The following TMEM236 variants were observed in gnomAD, a reference collection of about 807,000 sequenced individuals.
The protein encoded by TMEM236 is transmembrane protein 236, also known as family with sequence similarity 23, member A.
In TMEM236, 11 loss-of-function variants were observed where a neutral mutation model predicts 14.7. The ratio of observed to expected loss-of-function variants is 0.75; its 90% confidence interval spans 0.47 to 1.24. The LOEUF (loss-of-function observed/expected upper bound fraction) is 1.24, where lower values mean the gene tolerates loss of function less well. Among genes scored for constraint, TMEM236 ranks in the 50% most tolerant of loss-of-function variants. The probability of loss-of-function intolerance (pLI) is 0.00; values close to 1 mark genes in which losing one functional copy is unlikely to be tolerated. For missense variants in TMEM236, 464 were observed against 427.3 expected, an observed-to-expected ratio of 1.09 and a Z score of -0.76; for synonymous variants, 182 against 168.6, an observed-to-expected ratio of 1.08 and a Z score of -0.62.
chr10:17,799,308 A>T lies in TMEM236; in HGVS notation c.*2804A>T, dbSNP rs1180235831. 2.1e-4 allele frequency: 32 copies of T among 153,490 alleles called. No individual in the cohort carries two copies. The highest frequency in any genetic ancestry group is 6.5e-4 in the African/African-American group (27 of 41,556). 9.5% of individuals were successfully genotyped at this position (153,490 alleles called of 1,614,324 possible). On this transcript the variant is annotated 3_prime_UTR_variant, in exon 4 of 4. Coordinates refer to ENST00000377495, the MANE Select transcript of TMEM236 (RefSeq NM_001098844.3). ...CTTACAAGACTTATAACTTAAAAAAATTATAATACAAGGCTCAGCGCAGTG... is the reference window on the plus strand; with the variant it reads ...CTTACAAGACTTATAACTTAAAAAATTTATAATACAAGGCTCAGCGCAGTG...
At position 17,797,976 on chromosome 10, in the gene TMEM236, A is replaced by G. The variant is rs1838043931; in HGVS notation, c.*1472A>G. 1 of 152,292 alleles carries G rather than the reference A, an allele frequency of 6.6e-6. No homozygotes were observed. Among genetic ancestry groups the G allele is most frequent in the African/African-American group, 2.4e-5 (1 of 41,468 alleles). The allele number at this position is 152,292 out of a possible 1,614,324, so 9.4% of individuals were successfully genotyped here. ...TAAAAGTTCGGCTTACAAATATAAT[A>G]GCCAATGTATCAGTGTCTTATGTGA... On this transcript the variant is annotated 3_prime_UTR_variant, in exon 4 of 4. Transcript: ENST00000377495.
At chr10:17,762,616 T>TACATATAC (rs1483138456) in intron 1 of TMEM236, among the ~76,000 whole-genome samples, 1 of 54,220 alleles carries the variant, frequency 1.8e-5, no homozygotes, top group Non-Finnish European at 3.5e-5. Flanking sequence ...TATATATATA[T>TACATATAC]ATACACACAT....
intron 3 of TMEM236, among the ~76,000 whole-genome samples, chr10:17,779,476 T>G (rs1837713316): frequency 6.6e-6 from 1 of 152,138 alleles, no homozygotes; most frequent in Non-Finnish European, 1.5e-5. Flanking sequence ...CCCATTTAAT[T>G]AATTAGTTAA....
At chr10:17,775,959 G>C in intron 2 of TMEM236, 70 bp from the exon 3 acceptor site, 1 of 1,555,332 alleles carries the variant, frequency 6.4e-7, no homozygotes, top group Non-Finnish European at 8.9e-7. Flanking sequence ...GCTGCATTCA[G>C]ACTATTGAAA....
Position 17,796,251 on chromosome 10 carries a change from C to G in TMEM236, c.803C>G (p.Pro268Arg). Residue 268 changes from proline (P) to arginine (R), a missense_variant, in exon 4 of 4, where the codon CCA (proline) becomes CGA (arginine). Physicochemically the swap from Pro to Arg is moderately radical, Grantham distance 103. Transcript: ENST00000377495. ...PNVYKSSWLY[P>R]VYIFSFISLL... ...GTGTACAAGTCAAGCTGGCTATACC[C>G]AGTCTACATATTCAGTTTTATTTCT... 2 of 1,613,950 alleles carry G rather than the reference C, an allele frequency of 1.2e-6. No individual in the cohort carries two copies. The highest frequency in any genetic ancestry group is 1.7e-4 in the Middle Eastern group (1 of 6,056).
intron 3 of TMEM236, among the ~76,000 whole-genome samples, chr10:17,793,710 T>C (rs1837964759): frequency 6.6e-6 from 1 of 152,170 alleles, no homozygotes; most frequent in Non-Finnish European, 1.5e-5. Context: ...CTCGAACTTC[T>C]GAACTCAGGT....
intron 3 of TMEM236, among the ~76,000 whole-genome samples, chr10:17,789,885 G>A (rs1439822539): frequency 2.0e-5 from 3 of 152,030 alleles, no homozygotes; most frequent in Non-Finnish European, 2.9e-5. Flanking sequence ...TTAGCCGGGC[G>A]TGGGGGCGGG....
intron 3 of TMEM236, among the ~76,000 whole-genome samples, chr10:17,782,404 T>A (rs1837766774): frequency 6.6e-6 from 1 of 152,176 alleles, no homozygotes; most frequent in African/African-American, 2.4e-5. Flanking sequence ...ACTCTTCTTT[T>A]TTTCTTAATG....
At chr10:17,782,827 T>A (rs1837774967) in intron 3 of TMEM236, among the ~76,000 whole-genome samples, 1 of 152,158 alleles carries the variant, frequency 6.6e-6, no homozygotes, top group South Asian at 2.1e-4. Context: ...GCCATGATAA[T>A]ATATCTAGCA....
At chr10:17,777,256 C>T (rs1208150375) in intron 3 of TMEM236, among the ~76,000 whole-genome samples, 3 of 152,194 alleles carry the variant, frequency 2.0e-5, no homozygotes, top group East Asian at 3.9e-4. Context: ...TGGGAGATGA[C>T]GGTCTGTTAT....
At position 17,796,301 on chromosome 10, in the gene TMEM236, CA is replaced by C; in HGVS notation, c.857del (p.Asn286ThrfsTer7). 6.2e-7 allele frequency: 1 copy of C among 1,613,932 alleles called. No individual in the cohort carries two copies. The highest frequency in any genetic ancestry group is 8.5e-7 in the Non-Finnish European group (1 of 1,179,860). ...ISLLRITFTP[Q>X]NPLLNSLSVL... ...TCTCCTTCGAATTACATTCACTCCC[CA>C]AAACCCTCTTCTCAATTCCCTGAGC... On this transcript the variant is annotated frameshift_variant, in exon 4 of 4. Transcript: ENST00000377495. LOFTEE classifies it low-confidence loss of function (END_TRUNC).
chr10:17,778,513 A>G (rs1837694655), intron 3 of TMEM236, among the ~76,000 whole-genome samples: 1 of 152,212 alleles, frequency 6.6e-6, no homozygotes, highest in African/African-American at 2.4e-5. Flanking sequence ...CAAATATACC[A>G]TAAATATGGT....
In TMEM236 at chr10:17,772,545, C is replaced by CT. The variant is rs1837589864; in HGVS notation, c.330+1170dup. ...TGGAGCTCGATAGCCCTTTTTGGCT[C>CT]TTTTTTATGATGTCTCTTCCATTGT... On this transcript the variant is annotated intron_variant, in intron 2 of 3. Coordinates refer to ENST00000377495, the MANE Select transcript of TMEM236 (RefSeq NM_001098844.3). 2.0e-5 allele frequency among the ~76,000 whole-genome samples: 3 copies of CT among 152,248 alleles called. No homozygotes were observed. In the East Asian group the frequency reaches 5.8e-4, roughly 29 times the overall value.
At chr10:17,772,867 C>T (rs1837596507) in intron 2 of TMEM236, among the ~76,000 whole-genome samples, 1 of 152,084 alleles carries the variant, frequency 6.6e-6, no homozygotes, top group Admixed American at 6.6e-5. Context: ...CCAGAAGTCA[C>T]TTCTAACTTG....
rs992666923 is a variant in TMEM236 at position 17,800,539 on chromosome 10, G to A, written c.*4035G>A. 6.6e-6 allele frequency: 1 copy of A among 152,022 alleles called. No homozygotes were observed. Among genetic ancestry groups the A allele is most frequent in the Non-Finnish European group, 1.5e-5 (1 of 68,020 alleles). The allele number at this position is 152,022 out of a possible 1,614,324, so 9.4% of individuals were successfully genotyped here. On this transcript the variant is annotated 3_prime_UTR_variant, in exon 4 of 4. Transcript: ENST00000377495. ...TTTCTTATTAGGGCCCCATTTCACT[G>A]AATGACAATTGCAATGAGGCATAGG... is the stretch of plus-strand genomic sequence containing the variant.
chr10:17,766,244 C>A (rs972623733), intron 1 of TMEM236, among the ~76,000 whole-genome samples: 1 of 152,164 alleles, frequency 6.6e-6, no homozygotes, highest in Non-Finnish European at 1.5e-5. Context: ...TTAGAAACAT[C>A]CTCGGTTAAA....
At chr10:17,761,977 T>G (rs973154472) in intron 1 of TMEM236, among the ~76,000 whole-genome samples, 2 of 152,150 alleles carry the variant, frequency 1.3e-5, no homozygotes, top group Non-Finnish European at 2.9e-5. Flanking sequence ...CTCATCCACT[T>G]TGTAGACTTC....
intron 1 of TMEM236, 74 bp downstream of exon 1, chr10:17,752,626 G>A (rs981471984): frequency 2.5e-5 from 37 of 1,475,046 alleles, no homozygotes; most frequent in Non-Finnish European, 3.2e-5. Flanking sequence ...GAGTGCAGTA[G>A]GGCAGTCTTG....
chr10:17,776,980 T>G (rs1837667926), intron 3 of TMEM236, among the ~76,000 whole-genome samples: 1 of 152,206 alleles, frequency 6.6e-6, no homozygotes, highest in Non-Finnish European at 1.5e-5. Context: ...CTAGTTACTG[T>G]GTGGCTAAGA....
Sources: allele counts gnomAD v4.1 joint callset (sites outside exome capture counted in the v4.1 genomes callset), GRCh38; gene constraint gnomAD v4.1.1; transcripts MANE v1.5; gene names NCBI Gene and HGNC (gene_info 2026-07-23, HGNC 2026-07-21).